Variants in KCNH3 observed in about 807,000 individuals in gnomAD.
The protein encoded by KCNH3 is potassium voltage-gated channel subfamily H member 3.
A neutral mutation model predicts 95.6 loss-of-function variants in KCNH3; 36 were observed. The ratio of observed to expected loss-of-function variants is 0.38; its 90% confidence interval spans 0.29 to 0.50. The LOEUF is 0.50. Ranked by LOEUF, KCNH3 falls within the 20% of genes least tolerant of loss-of-function variation. KCNH3 has a pLI of 0.95. For synonymous variants in KCNH3, 620 were observed against 646.3 expected (o/e 0.96, Z 0.62); for missense variants, 1,030 against 1,484.1 (o/e 0.69, Z 5.03).
intron 7 of KCNH3, among the ~76,000 whole-genome samples, chr12:49,545,403 CTTTTTT>C (rs869243854): frequency 2.6e-5 from 3 of 117,504 alleles, no homozygotes; most frequent in East Asian, 2.2e-4. Flanking sequence ...ATGCAGGTGG[CTTTTTT>C]TTTTTTTTTT....
At chr12:49,550,410 G>T in intron 10 of KCNH3, 81 bp downstream of exon 10, 1 of 1,496,266 alleles carries the variant, frequency 6.7e-7, no homozygotes, top group Non-Finnish European at 8.9e-7. Flanking sequence ...CTGGAGAGGG[G>T]ACCTCCACAA....
intron 2 of KCNH3, among the ~76,000 whole-genome samples, 157 bp from the exon 3 acceptor site, chr12:49,541,473 A>C (rs1269865870): frequency 3.3e-5 from 5 of 152,052 alleles, no homozygotes; most frequent in Admixed American, 3.3e-4. Context: ...CAATTCCATC[A>C]AGCCCTGCCT....
In KCNH3 at chr12:49,558,062, C is replaced by T; in HGVS notation, c.*109C>T. 7.8e-7 allele frequency: 1 copy of T among 1,283,532 alleles called. No individual in the cohort carries two copies. The highest frequency in any genetic ancestry group is 1.0e-6 in the Non-Finnish European group (1 of 973,982). 79.5% of individuals were successfully genotyped at this position (1,283,532 alleles called of 1,614,324 possible). A position where few individuals can be genotyped will look rare whatever the true frequency, so the allele number is the denominator to read the frequency against. On this transcript the variant is annotated 3_prime_UTR_variant, in exon 15 of 15. Transcript: ENST00000257981. The stretch of plus-strand genomic sequence containing the variant: ...CTCCCCACGGACTCCATGCGGCCCG[C>T]TGGCTCAGGGCAGGGAGCCTGGAAG...
At position 49,541,650 on chromosome 12, in the gene KCNH3, C is replaced by T. The variant is rs1366353661; in HGVS notation, c.331C>T (p.Leu111=). ...RKSGLPFWCL[L]DVIPIKNEKG... The stretch of plus-strand genomic sequence containing the variant: ...CCCAGGGCTCCCGTTCTGGTGTCTC[C>T]TGGATGTGATACCCATAAAGAATGA... The change falls in exon 3 of 15, where the codon CTG becomes TTG. Residue 111 remains leucine (L), a synonymous_variant. Transcript: ENST00000257981. 6.2e-7 allele frequency: 1 copy of T among 1,614,170 alleles called. No homozygotes were observed. The highest frequency in any genetic ancestry group is 1.1e-5 in the South Asian group (1 of 91,080).
At chr12:49,544,487 C>A in intron 7 of KCNH3, 105 bp downstream of exon 7, 1 of 1,125,476 alleles carries the variant, frequency 8.9e-7, no homozygotes, top group Non-Finnish European at 1.3e-6. Flanking sequence ...TGCAAGTCTG[C>A]ACGTGTGCAA....
chr12:49,541,662 C>A lies in KCNH3; in HGVS notation c.343C>A (p.Pro115Thr). ...GTTCTGGTGTCTCCTGGATGTGATA[C>A]CCATAAAGAATGAGAAAGGGGAGGT... is the stretch of plus-strand genomic sequence containing the variant. The part of the protein sequence containing the change: ...LPFWCLLDVI[P>T]IKNEKGEVAL... The change falls in exon 3 of 15, where the codon CCC (proline) becomes ACC (threonine). Residue 115 changes from proline (P) to threonine (T), a missense_variant. Around this residue, in one of 9 missense-constraint regions of KCNH3, gnomAD observed 63 missense variants for 107.7 expected, o/e 0.59. Coordinates refer to ENST00000257981, the MANE Select transcript of KCNH3 (RefSeq NM_012284.3). The A allele has an allele frequency of 6.2e-7, 1 of 1,614,176 alleles. No homozygotes were observed. Among genetic ancestry groups the A allele is most frequent in the Non-Finnish European group, 8.5e-7 (1 of 1,180,018 alleles).
chr12:49,543,597 A>G, intron 5 of KCNH3, 79 bp downstream of exon 5: 2 of 1,524,184 alleles, frequency 1.3e-6, no homozygotes, highest in South Asian at 1.2e-5. Context: ...CGTGGCTTCC[A>G]GGGTGCTACA....
chr12:49,541,847 G>T, intron 3 of KCNH3, 83 bp downstream of exon 3: 1 of 1,487,376 alleles, frequency 6.7e-7, no homozygotes, highest in Non-Finnish European at 9.2e-7. Flanking sequence ...GAGTACGGGG[G>T]TCCCCCATGC....
Position 49,544,161 on chromosome 12 carries a change from T to TCCCC in KCNH3, c.982-13_982-10dup. Reference sequence around the variant, plus strand: ...TGACCTCCCTCCCTCCCTCCCTCCCTCCCCGCATCTCAGTACTTCGGGGCC... The same window carrying TCCCC: ...TGACCTCCCTCCCTCCCTCCCTCCCTCCCCCCCCGCATCTCAGTACTTCGGGGCC... On this transcript the variant is annotated splice_polypyrimidine_tract_variant and intron_variant, in intron 6 of 14. Transcript: ENST00000257981. The TCCCC allele has an allele frequency of 1.0e-5, 3 of 291,894 alleles. No individual in the cohort carries two copies. Among genetic ancestry groups the TCCCC allele is most frequent in the Non-Finnish European group, 2.0e-5 (3 of 152,936 alleles). 18.1% of individuals were successfully genotyped at this position (291,894 alleles called of 1,614,324 possible).
chr12:49,548,214 T>C (rs12321819), intron 7 of KCNH3, among the ~76,000 whole-genome samples: 31,303 of 152,102 alleles, frequency 0.21, 4,916 homozygotes, highest in African/African-American at 0.45. Flanking sequence ...TGAGTGACAG[T>C]GTGTAGGTAC....
rs764070009 is a variant in KCNH3 at position 49,558,154 on chromosome 12, G to A, written c.*201G>A. The A allele has an allele frequency of 5.8e-5, 28 of 485,300 alleles. No individual in the cohort carries two copies. The highest frequency in any genetic ancestry group is 5.2e-4 in the East Asian group (15 of 29,104). 30.1% of individuals were successfully genotyped at this position (485,300 alleles called of 1,614,324 possible). A position where few individuals can be genotyped will look rare whatever the true frequency, so the allele number is the denominator to read the frequency against. On this transcript the variant is annotated 3_prime_UTR_variant, in exon 15 of 15. Coordinates refer to ENST00000257981, the MANE Select transcript of KCNH3 (RefSeq NM_012284.3). Reference sequence around the variant, plus strand: ...GGATCCCTGGGGCAGGCCTCTCCTCGGCCTGCTCCTCTGACCTCCCGGTCT... The same window carrying A: ...GGATCCCTGGGGCAGGCCTCTCCTCAGCCTGCTCCTCTGACCTCCCGGTCT...
chr12:49,550,043 T>TTCCCCCCCCCCCCCCCC, intron 9 of KCNH3, 37 bp from the exon 10 acceptor site: 1 of 1,299,542 alleles, frequency 7.7e-7, no homozygotes, highest in Non-Finnish European at 1.1e-6. Flanking sequence ...CTTCTGCCAC[T>TTCCCCCCCCCCCCCCCC]CCCAACCCCC....
chr12:49,552,504 T>C lies in KCNH3; in HGVS notation c.1919-1833T>C, dbSNP rs191215980. On this transcript the variant is annotated intron_variant, in intron 10 of 14. Coordinates refer to ENST00000257981, the MANE Select transcript of KCNH3 (RefSeq NM_012284.3). ...ATGCCTGGTTCCCCGACCCCAATCA[T>C]GGTCGGGTTCTCTGCTTTGCCTTCA... Among the ~76,000 whole-genome samples the C allele has an allele frequency of 5.9e-5, 9 of 152,336 alleles. No homozygotes were observed. The South Asian group carries it at 1.4e-3, about 25-fold the overall frequency.
At position 49,549,121 on chromosome 12, in the gene KCNH3, C is replaced by A; in HGVS notation, c.1416C>A (p.Ser472=). 2 of 1,612,042 alleles carry A rather than the reference C, an allele frequency of 1.2e-6. No homozygotes were observed. The highest frequency in any genetic ancestry group is 1.7e-6 in the Non-Finnish European group (2 of 1,179,462). Reference sequence around the variant, plus strand: ...CCAGCGTGGGCTTCGGCAACGTGTCCGCCAACACGGACACCGAGAAGATCT... The same window carrying A: ...CCAGCGTGGGCTTCGGCAACGTGTCAGCCAACACGGACACCGAGAAGATCT... ...SLTSVGFGNV[S]ANTDTEKIFS... Residue 472 remains serine, a synonymous_variant, in exon 8 of 15, where the codon TCC becomes TCA. Coordinates refer to ENST00000257981, the MANE Select transcript of KCNH3 (RefSeq NM_012284.3).
Position 49,539,617 on chromosome 12 carries a change from C to T in KCNH3, c.76+125C>T, listed in dbSNP as rs1937800398. 3.8e-6 allele frequency: 3 copies of T among 783,284 alleles called. No homozygotes were observed. Among genetic ancestry groups the T allele is most frequent in the Non-Finnish European group, 6.0e-6 (3 of 503,896 alleles). The allele number at this position is 783,284 out of a possible 1,614,324, so 48.5% of individuals were successfully genotyped here. On this transcript the variant is annotated intron_variant, in intron 1 of 14. Transcript: ENST00000257981. The surrounding 1 kb of genome is among the most constrained non-coding windows in gnomAD (Gnocchi z 6.7). ...TTCTCACCCTCTCCTCCCTACCCGCCCCTCTTGAGGCTGGGGCCATCGTCT... is the reference window on the plus strand; with the variant it reads ...TTCTCACCCTCTCCTCCCTACCCGCTCCTCTTGAGGCTGGGGCCATCGTCT...
chr12:49,555,702 C>T lies in KCNH3; in HGVS notation c.2219C>T (p.Thr740Met), dbSNP rs560243803. Residue 740 changes from threonine to methionine, a missense_variant, in exon 12 of 15, where the codon ACG becomes ATG. Around this residue, in one of 9 missense-constraint regions of KCNH3, gnomAD observed 464 missense variants for 493.2 expected, o/e 0.94. Transcript: ENST00000257981. ...EKETDGEQGPTVSPAPADEPS... is the reference protein window; with the variant it reads ...EKETDGEQGPMVSPAPADEPS... ...GAGACAGATGGGGAGCAGGGCCCCA[C>T]GGTCTCCCCAGCCCCAGCTGATGAG... The T allele has an allele frequency of 3.5e-5, 57 of 1,610,830 alleles. No homozygotes were observed. The highest frequency in any genetic ancestry group is 1.5e-4 in the South Asian group (14 of 90,762).
rs866995635 is a variant in KCNH3 at position 49,557,211 on chromosome 12, G to A, written c.2604G>A (p.Gly868=). 1.9e-6 allele frequency: 3 copies of A among 1,613,882 alleles called. No individual in the cohort carries two copies. The highest frequency in any genetic ancestry group is 2.7e-5 in the African/African-American group (2 of 74,914). Residue 868 remains glycine (G), a synonymous_variant, in exon 14 of 15, where the codon GGG becomes GGA. Coordinates refer to ENST00000257981, the MANE Select transcript of KCNH3 (RefSeq NM_012284.3). ...PESGLLTVPH[G]PSEARNTDTL... ...GCGGCCTGCTCACTGTTCCCCATGG[G>A]CCCAGCGAGGCAAGGAACACAGACA... is the stretch of plus-strand genomic sequence containing the variant.
Position 49,543,610 on chromosome 12 carries a change from GC to G in KCNH3, c.823+98del, listed in dbSNP as rs1156852159. On this transcript the variant is annotated intron_variant, in intron 5 of 14. Coordinates refer to ENST00000257981, the MANE Select transcript of KCNH3 (RefSeq NM_012284.3). Reference sequence around the variant, plus strand: ...CACGTGGCTTCCAGGGTGCTACAGTGCCCCCCTCGCTCTCTCTCATTTGTAA... The same window carrying G: ...CACGTGGCTTCCAGGGTGCTACAGTGCCCCCTCGCTCTCTCTCATTTGTAA... 5.4e-6 allele frequency: 8 copies of G among 1,472,458 alleles called. No individual in the cohort carries two copies. In the East Asian group the frequency reaches 9.2e-5, roughly 17 times the overall value. 91.2% of individuals were successfully genotyped at this position (1,472,458 alleles called of 1,614,324 possible).
chr12:49,549,823 C>T (rs1046684096), intron 9 of KCNH3, among the ~76,000 whole-genome samples, 183 bp downstream of exon 9: 2 of 152,192 alleles, frequency 1.3e-5, no homozygotes, highest in African/African-American at 4.8e-5. Flanking sequence ...CCCTCTGAAC[C>T]GCAGTTAGGT....
Sources: gnomAD v4.1 joint callset for allele counts (sites outside exome capture counted in the v4.1 genomes callset) on GRCh38, gnomAD v4.1.1 for gene constraint, gnomAD v4.1.1 regional missense constraint, Gnocchi (gnomAD v3.1) non-coding constraint, MANE v1.5 for transcripts, NCBI Gene and HGNC (gene_info 2026-07-23, HGNC 2026-07-21) for gene names.